FHIP1A: variants seen among roughly 807,000 people sequenced by gnomAD.
FHIP1A encodes the protein FHF complex subunit HOOK interacting protein 1A, also known as FHF complex subunit HOOK-interacting protein 1A.
FHIP1A carries 61 observed loss-of-function variants against 88.6 expected under a neutral mutation model. The observed-to-expected ratio is 0.69, with a 90% CI of 0.56 to 0.85. The LOEUF is 0.85. Ranked by LOEUF, FHIP1A falls within the 40% of genes least tolerant of loss-of-function variation. The probability of loss-of-function intolerance (pLI) is 0.00; values close to 1 mark genes in which losing one functional copy is unlikely to be tolerated. For synonymous variants in FHIP1A, 478 were observed against 496.0 expected (o/e 0.96, Z 0.48); for missense variants, 1,154 against 1,273.5 (o/e 0.91, Z 1.43).
chr4:151,639,439 C>G (rs1162067159), intron 9 of FHIP1A, among the ~76,000 whole-genome samples: 1 of 152,304 alleles, frequency 6.6e-6, no homozygotes, highest in Admixed American at 6.5e-5. Flanking sequence ...CTTGGCCCAG[C>G]AATCCCTCTT....
Position 151,519,647 on chromosome 4 carries a change from A to G in FHIP1A, c.-123+36999A>G, listed in dbSNP as rs563444154. On this transcript the variant is annotated intron_variant, in intron 3 of 13. Coordinates refer to ENST00000435205, the MANE Select transcript of FHIP1A (RefSeq NM_001109977.3). ...TATATATGTGTGTTTATATTTCTAT[A>G]TCTGTTTCTTTTGGGTAAATACCCA... Among the ~76,000 whole-genome samples, 250 of 152,216 alleles carry G rather than the reference A, an allele frequency of 1.6e-3. 3 individuals are homozygous for G. The highest frequency in any genetic ancestry group is 3.0e-3 in the Non-Finnish European group (203 of 68,018).
In FHIP1A at chr4:151,473,775, C is replaced by G. The variant is rs75434595; in HGVS notation, c.-247-8749C>G. ...TCCAGTGTCCTGGAATTTGCTTCCT[C>G]CCTGGTATGAAAGCTTATATTTGTA... On this transcript the variant is annotated intron_variant, in intron 2 of 13. Coordinates refer to ENST00000435205, the MANE Select transcript of FHIP1A (RefSeq NM_001109977.3). 3.3e-3 allele frequency among the ~76,000 whole-genome samples: 499 copies of G among 152,228 alleles called. 3 individuals are homozygous for G. The highest frequency in any genetic ancestry group is 0.012 in the African/African-American group (478 of 41,562).
chr4:151,575,933 A>C (rs116128376), intron 4 of FHIP1A, among the ~76,000 whole-genome samples: 98 of 152,340 alleles, frequency 6.4e-4, no homozygotes, highest in African/African-American at 2.1e-3. Flanking sequence ...CCTGGAGGGT[A>C]CTGCAAAAGA....
At chr4:151,475,986 T>C (rs780123760) in intron 2 of FHIP1A, among the ~76,000 whole-genome samples, 2 of 151,678 alleles carry the variant, frequency 1.3e-5, no homozygotes, top group Non-Finnish European at 2.9e-5. Flanking sequence ...CTTAGCCTCC[T>C]GAGTAGCCGG....
intron 1 of FHIP1A, among the ~76,000 whole-genome samples, chr4:151,417,289 A>G (rs560374090): frequency 6.6e-6 from 1 of 152,230 alleles, no homozygotes; most frequent in South Asian, 2.1e-4. Context: ...TATACACCCT[A>G]TGTAAATGAA....
chr4:151,660,665 C>A (rs1034080017), intron 13 of FHIP1A, among the ~76,000 whole-genome samples: 1 of 152,120 alleles, frequency 6.6e-6, no homozygotes, highest in Non-Finnish European at 1.5e-5. Context: ...GGCTGAAGGG[C>A]AATGCAGGCC....
At chr4:151,626,137 T>C (rs1051796733) in intron 7 of FHIP1A, among the ~76,000 whole-genome samples, 1 of 152,252 alleles carries the variant, frequency 6.6e-6, no homozygotes, top group Non-Finnish European at 1.5e-5. Context: ...CAACAAAATA[T>C]GTATACACAA....
At chr4:151,429,587 G>T (rs563580999) in intron 1 of FHIP1A, among the ~76,000 whole-genome samples, 1 of 152,184 alleles carries the variant, frequency 6.6e-6, no homozygotes, top group Non-Finnish European at 1.5e-5. Context: ...GGTGGCTCAT[G>T]CCTGTAATCC....
intron 3 of FHIP1A, among the ~76,000 whole-genome samples, chr4:151,544,096 A>C (rs1048114555): frequency 6.6e-6 from 1 of 152,208 alleles, no homozygotes; most frequent in Non-Finnish European, 1.5e-5. Context: ...GCTAATTTTC[A>C]ATAGTGATGT....
intron 3 of FHIP1A, among the ~76,000 whole-genome samples, chr4:151,534,392 C>G (rs946556367): frequency 6.6e-6 from 1 of 152,156 alleles, no homozygotes; most frequent in Non-Finnish European, 1.5e-5. Context: ...CCATATTGCT[C>G]CTATGAGGTA....
At chr4:151,520,803 A>T (rs1731419109) in intron 3 of FHIP1A, among the ~76,000 whole-genome samples, 1 of 152,208 alleles carries the variant, frequency 6.6e-6, no homozygotes, top group African/African-American at 2.4e-5. Flanking sequence ...ATGGATTGTT[A>T]CTATTATACT....
intron 7 of FHIP1A, among the ~76,000 whole-genome samples, chr4:151,592,274 A>G (rs1159406437): frequency 6.6e-6 from 1 of 152,084 alleles, no homozygotes; most frequent in African/African-American, 2.4e-5. Flanking sequence ...AGCTGGGACC[A>G]CAGGCGCCCG....
At chr4:151,501,817 A>T (rs555468883) in intron 3 of FHIP1A, among the ~76,000 whole-genome samples, 34 of 143,696 alleles carry the variant, frequency 2.4e-4, no homozygotes, top group Admixed American at 4.2e-4. Flanking sequence ...TTTTTTTTTT[A>T]AATATATTCT....
intron 3 of FHIP1A, among the ~76,000 whole-genome samples, chr4:151,511,841 T>A (rs1343626598): frequency 1.3e-5 from 2 of 152,236 alleles, no homozygotes; most frequent in Non-Finnish European, 2.9e-5. Flanking sequence ...CTCTGTAGGC[T>A]CCGCCTCTGG....
chr4:151,485,832 GC>G (rs1175782631), intron 3 of FHIP1A, among the ~76,000 whole-genome samples: 1 of 152,020 alleles, frequency 6.6e-6, no homozygotes, highest in African/African-American at 2.4e-5. Flanking sequence ...CAAGCAATCT[GC>G]CCGCCTTAGC....
intron 7 of FHIP1A, among the ~76,000 whole-genome samples, chr4:151,616,289 C>A (rs930197657): frequency 1.3e-5 from 2 of 152,106 alleles, no homozygotes; most frequent in Non-Finnish European, 2.9e-5. Context: ...AAAACACCAT[C>A]TTTATTACCA....
chr4:151,534,786 G>A (rs925884449), intron 3 of FHIP1A: 2 of 152,196 alleles, frequency 1.3e-5, no homozygotes, highest in Non-Finnish European at 2.9e-5. Flanking sequence ...AGTTATTGGA[G>A]TTTAAAGCAG....
At chr4:151,607,069 C>T (rs963340944) in intron 7 of FHIP1A, among the ~76,000 whole-genome samples, 2 of 152,158 alleles carry the variant, frequency 1.3e-5, no homozygotes, top group Non-Finnish European at 2.9e-5. Context: ...AAGCTCAATG[C>T]CCCTGGTACC....
chr4:151,545,611 T>C (rs1732472060), intron 3 of FHIP1A, among the ~76,000 whole-genome samples: 1 of 151,906 alleles, frequency 6.6e-6, no homozygotes, highest in Non-Finnish European at 1.5e-5. Context: ...TCTCCTGACC[T>C]CGTGATCCAC....
Sources: gnomAD v4.1 joint callset for allele counts (sites outside exome capture counted in the v4.1 genomes callset) on GRCh38, gnomAD v4.1.1 for gene constraint, MANE v1.5 for transcripts, NCBI Gene and HGNC (gene_info 2026-07-23, HGNC 2026-07-21) for gene names.